Variants in MRRF observed in about 807,000 individuals in gnomAD.
MRRF encodes mitochondrial ribosome recycling factor, also known as ribosome-recycling factor, mitochondrial.
Under a neutral mutation model 25.1 loss-of-function variants are expected in MRRF, and 18 were observed. The observed-to-expected ratio is 0.72, with a 90% confidence interval of 0.50 to 1.06. MRRF has a LOEUF of 1.06. MRRF is among the 50% of genes least tolerant of loss of function. MRRF has a pLI of 0.00. For synonymous variants in MRRF, 113 were observed against 112.1 expected (o/e 1.01, Z -0.05); for missense variants, 323 against 319.3 (o/e 1.01, Z -0.09).
At chr9:122,295,244 ATT>A in intron 5 of MRRF, among the ~76,000 whole-genome samples, 1 of 152,314 alleles carries the variant, frequency 6.6e-6, no homozygotes, top group African/African-American at 2.4e-5. Context: ...CAAATATGCT[ATT>A]TCCATCATCC....
chr9:122,270,352 A>C (rs1334759760), intron 1 of MRRF, among the ~76,000 whole-genome samples: 2 of 152,244 alleles, frequency 1.3e-5, no homozygotes, highest in African/African-American at 4.8e-5. Context: ...GACTCACATT[A>C]AAGGGCATCC....
At chr9:122,302,281 C>A (rs1230124160) in intron 5 of MRRF, among the ~76,000 whole-genome samples, 1 of 152,158 alleles carries the variant, frequency 6.6e-6, no homozygotes, top group East Asian at 1.9e-4. Context: ...TAACCACAAT[C>A]CATTTTAGGA....
At chr9:122,322,098 C>T (rs772564018) in intron 6 of MRRF, among the ~76,000 whole-genome samples, 7 of 152,116 alleles carry the variant, frequency 4.6e-5, no homozygotes, top group Non-Finnish European at 7.4e-5. Flanking sequence ...CGGTGGCTCA[C>T]GCCTGTAATC....
chr9:122,303,400 T>G (rs979970014), intron 5 of MRRF, among the ~76,000 whole-genome samples: 18 of 152,092 alleles, frequency 1.2e-4, no homozygotes, highest in Non-Finnish European at 2.1e-4. Context: ...TTTTATCTTT[T>G]TGAGACAGGC....
chr9:122,313,747 A>G (rs1835346183), intron 6 of MRRF, among the ~76,000 whole-genome samples: 1 of 152,180 alleles, frequency 6.6e-6, no homozygotes, highest in African/African-American at 2.4e-5. Flanking sequence ...ACTTAGGCAG[A>G]CGGATTTCAG....
intron 6 of MRRF, among the ~76,000 whole-genome samples, chr9:122,317,760 CTTT>C (rs541196873): frequency 6.6e-6 from 1 of 152,044 alleles, no homozygotes; most frequent in Non-Finnish European, 1.5e-5. Context: ...GTGAGATTAT[CTTT>C]TTTAATTTTC....
At chr9:122,315,740 A>G (rs1278793123) in intron 6 of MRRF, among the ~76,000 whole-genome samples, 1 of 150,524 alleles carries the variant, frequency 6.6e-6, no homozygotes, top group African/African-American at 2.4e-5. Flanking sequence ...TTCCCTTGTC[A>G]TTGCTTCTTG....
chr9:122,304,082 C>CACACACAG (rs1357692736), intron 5 of MRRF, among the ~76,000 whole-genome samples: 1 of 151,894 alleles, frequency 6.6e-6, no homozygotes, highest in Admixed American at 6.6e-5. Flanking sequence ...CACACACACA[C>CACACACAG]ACACACACAC....
chr9:122,278,426 C>T (rs188661951), intron 2 of MRRF, among the ~76,000 whole-genome samples: 4 of 152,122 alleles, frequency 2.6e-5, no homozygotes, highest in African/African-American at 7.2e-5. Flanking sequence ...AGCATGGATT[C>T]GTTTTCTCTT....
intron 5 of MRRF, among the ~76,000 whole-genome samples, chr9:122,308,320 A>C (rs977715580): frequency 6.6e-6 from 1 of 151,866 alleles, no homozygotes; most frequent in African/African-American, 2.4e-5. Context: ...CACAAACTAC[A>C]AATCTGATCA....
At chr9:122,295,082 A>G (rs1265698701) in intron 5 of MRRF, among the ~76,000 whole-genome samples, 2 of 152,166 alleles carry the variant, frequency 1.3e-5, no homozygotes, top group Non-Finnish European at 2.9e-5. Context: ...TAGCTGTGTG[A>G]CAGTGGCACC....
At chr9:122,307,370 C>T (rs1834916226) in intron 5 of MRRF, among the ~76,000 whole-genome samples, 1 of 152,212 alleles carries the variant, frequency 6.6e-6, no homozygotes, top group South Asian at 2.1e-4. Flanking sequence ...AGCAGAATTC[C>T]TGTCCCCTGC....
At chr9:122,309,604 G>A (rs893404495) in intron 5 of MRRF, among the ~76,000 whole-genome samples, 2 of 152,074 alleles carry the variant, frequency 1.3e-5, no homozygotes, top group Non-Finnish European at 2.9e-5. Context: ...AATTATTTTT[G>A]TAGAACCTCT....
In MRRF at chr9:122,329,936, C is replaced by A. The variant is rs1346359527; in HGVS notation, c.*7319C>A. 6.6e-6 allele frequency: 1 copy of A among 152,288 alleles called. No individual in the cohort carries two copies. Among genetic ancestry groups the A allele is most frequent in the African/African-American group, 2.4e-5 (1 of 41,466 alleles). 9.4% of individuals were successfully genotyped at this position (152,288 alleles called of 1,614,324 possible). A position where few individuals can be genotyped will look rare whatever the true frequency, so the allele number is the denominator to read the frequency against. Reference sequence around the variant, plus strand: ...GTCTAATTCTAAGGGGCCTGCCAGGCCTTGATACAAATGGCGTCACATTTA... The same window carrying A: ...GTCTAATTCTAAGGGGCCTGCCAGGACTTGATACAAATGGCGTCACATTTA... On this transcript the variant is annotated 3_prime_UTR_variant, in exon 7 of 7. Transcript: ENST00000344641.
chr9:122,285,913 A>G (rs1285563148), intron 4 of MRRF: 1 of 1,298,338 alleles, frequency 7.7e-7, no homozygotes. Flanking sequence ...ATTGCAGAAT[A>G]TTGCATGGAG....
intron 4 of MRRF, among the ~76,000 whole-genome samples, chr9:122,287,793 A>G (rs1421322230): frequency 6.6e-6 from 1 of 152,226 alleles, no homozygotes; most frequent in Non-Finnish European, 1.5e-5. Flanking sequence ...AGGTTCATTT[A>G]CAGGAACAGA....
chr9:122,269,147 CAG>C lies in MRRF; in HGVS notation c.-28-1714_-28-1713del, dbSNP rs576247637. ...TGCCACTGCACTCCAGCCTGGGCGA[CAG>C]AGTGAGACTCTGTCTCAAAAAAAAA... On this transcript the variant is annotated intron_variant, in intron 1 of 6. Coordinates refer to ENST00000344641, the MANE Select transcript of MRRF (RefSeq NM_138777.5). Among the ~76,000 whole-genome samples, 150 of 147,556 alleles carry C rather than the reference CAG, an allele frequency of 1.0e-3. 1 individual carries two copies. The highest frequency in any genetic ancestry group is 3.6e-3 in the African/African-American group (143 of 39,934).
intron 4 of MRRF, among the ~76,000 whole-genome samples, chr9:122,288,075 T>C (rs553440100): frequency 6.6e-6 from 1 of 152,356 alleles, no homozygotes; most frequent in Non-Finnish European, 1.5e-5. Context: ...TTGAATGCAT[T>C]GAAGACAGAA....
chr9:122,308,238 T>C (rs1408142534), intron 5 of MRRF, among the ~76,000 whole-genome samples: 1 of 152,210 alleles, frequency 6.6e-6, no homozygotes, highest in African/African-American at 2.4e-5. Flanking sequence ...CTGAGCTCCC[T>C]GTCTACCTGC....
Sources: allele counts gnomAD v4.1 joint callset (sites outside exome capture counted in the v4.1 genomes callset), GRCh38; gene constraint gnomAD v4.1.1; transcripts MANE v1.5; gene names NCBI Gene and HGNC (gene_info 2026-07-23, HGNC 2026-07-21).